The following CHSY3 variants were observed in gnomAD, a reference collection of about 807,000 sequenced individuals.
CHSY3 encodes the protein chondroitin sulfate synthase 3, also known as N-acetylgalactosaminyl-proteoglycan 3-beta-glucuronosyltransferase 3.
In CHSY3, 35 loss-of-function variants were observed where a neutral mutation model predicts 67.2. The observed-to-expected ratio is 0.52, with a 90% CI of 0.40 to 0.69. The LOEUF (loss-of-function observed/expected upper bound fraction) is 0.69. Ranked by LOEUF, CHSY3 falls within the 30% of genes least tolerant of loss-of-function variation. The pLI, the probability that CHSY3 is intolerant of heterozygous loss-of-function variation, is 0.00. For missense variants in CHSY3, 1,069 were observed against 1,138.5 expected, an observed-to-expected ratio of 0.94 and a Z score of 0.88; for synonymous variants, 474 against 434.7, an observed-to-expected ratio of 1.09 and a Z score of -1.12.
At position 130,185,037 on chromosome 5, in the gene CHSY3, A is replaced by C; in HGVS notation, c.1895A>C (p.Asp632Ala). ...HILVPLIGRY[D>A]IFLRFMENFE... is the part of the protein sequence containing the mutation. The stretch of plus-strand genomic sequence containing the variant: ...CTCGTTCCTCTCATCGGAAGGTATG[A>C]CATTTTCTTGAGATTCATGGAGAAC... The change falls in exon 3 of 3, where the codon GAC becomes GCC. Residue 632 changes from aspartate (D) to alanine (A), a missense_variant. Around this residue, in one of 5 missense-constraint regions of CHSY3, gnomAD observed 401 missense variants for 395.2 expected, o/e 1.01. Coordinates refer to ENST00000305031, the MANE Select transcript of CHSY3 (RefSeq NM_175856.5). 1 of 1,593,644 alleles carries C rather than the reference A, an allele frequency of 6.3e-7. No homozygotes were observed. The highest frequency in any genetic ancestry group is 8.6e-7 in the Non-Finnish European group (1 of 1,161,324).
intron 2 of CHSY3, among the ~76,000 whole-genome samples, chr5:130,164,648 T>C (rs1025118831): frequency 1.3e-5 from 2 of 152,074 alleles, no homozygotes; most frequent in Non-Finnish European, 2.9e-5. Context: ...GTGCATTGAG[T>C]CTCTCTTCTC....
At chr5:129,953,153 C>G (rs1762072898) in intron 2 of CHSY3, among the ~76,000 whole-genome samples, 1 of 152,022 alleles carries the variant, frequency 6.6e-6, no homozygotes, top group Non-Finnish European at 1.5e-5. Flanking sequence ...CAACAGGTCC[C>G]AATGTGTGAT....
chr5:129,932,475 T>G (rs992776493), intron 2 of CHSY3, among the ~76,000 whole-genome samples: 2 of 152,130 alleles, frequency 1.3e-5, no homozygotes, highest in African/African-American at 4.8e-5. Flanking sequence ...ACATCTAGAC[T>G]TGTGTTTGGC....
rs73785862 is a variant in CHSY3 at position 130,036,196 on chromosome 5, T to C, written c.1086+127836T>C. Reference sequence around the variant, plus strand: ...TGGACATGATAAAGAATTAGTTAAGTAATGCCCATTCTTGAGGGAATATAT... The same window carrying C: ...TGGACATGATAAAGAATTAGTTAAGCAATGCCCATTCTTGAGGGAATATAT... On this transcript the variant is annotated intron_variant, in intron 2 of 2. Coordinates refer to ENST00000305031, the MANE Select transcript of CHSY3 (RefSeq NM_175856.5). 5.4e-3 allele frequency among the ~76,000 whole-genome samples: 822 copies of C among 152,232 alleles called. 5 individuals carry two copies. The highest frequency in any genetic ancestry group is 0.019 in the African/African-American group (781 of 41,556).
At chr5:129,966,131 C>A (rs1368445174) in intron 2 of CHSY3, among the ~76,000 whole-genome samples, 6 of 151,862 alleles carry the variant, frequency 4.0e-5, no homozygotes, top group African/African-American at 1.2e-4. Flanking sequence ...TTAGAAATAC[C>A]AAATGATTTG....
At chr5:130,055,725 T>C (rs1346423385) in intron 2 of CHSY3, among the ~76,000 whole-genome samples, 1 of 151,950 alleles carries the variant, frequency 6.6e-6, no homozygotes, top group African/African-American at 2.4e-5. Flanking sequence ...CTGCTACCAC[T>C]GCCACCGGAA....
At chr5:130,070,001 T>C (rs1766008011) in intron 2 of CHSY3, among the ~76,000 whole-genome samples, 1 of 152,060 alleles carries the variant, frequency 6.6e-6, no homozygotes, top group African/African-American at 2.4e-5. Flanking sequence ...ACGAAACTTA[T>C]AAGATATAGG....
At chr5:130,147,136 C>T (rs958852543) in intron 2 of CHSY3, among the ~76,000 whole-genome samples, 1 of 152,086 alleles carries the variant, frequency 6.6e-6, no homozygotes, top group Non-Finnish European at 1.5e-5. Flanking sequence ...TGCCTTGTTT[C>T]CACATGATAT....
chr5:130,024,589 T>C (rs1023644710), intron 2 of CHSY3, among the ~76,000 whole-genome samples: 8 of 152,158 alleles, frequency 5.3e-5, no homozygotes, highest in African/African-American at 1.7e-4. Context: ...TCATTCAAAT[T>C]ATGTTTTACA....
At chr5:129,949,047 A>G (rs1365695532) in intron 2 of CHSY3, among the ~76,000 whole-genome samples, 1 of 151,992 alleles carries the variant, frequency 6.6e-6, no homozygotes, top group African/African-American at 2.4e-5. Context: ...TTTGCTGTGC[A>G]GAAGCTTTTT....
chr5:130,141,678 T>G (rs1164754390), intron 2 of CHSY3: 1 of 529,458 alleles, frequency 1.9e-6, no homozygotes, highest in Non-Finnish European at 3.7e-6. Context: ...AAGCAGCTGT[T>G]GAAGATGAGA....
intron 2 of CHSY3, among the ~76,000 whole-genome samples, chr5:129,982,284 AACAC>A (rs200300242): frequency 2.2e-4 from 33 of 151,944 alleles, no homozygotes; most frequent in African/African-American, 6.5e-4. Context: ...TGTAAAAAAA[AACAC>A]ACACACACAC....
At chr5:130,181,778 T>C (rs1302628506) in intron 2 of CHSY3, among the ~76,000 whole-genome samples, 1 of 152,166 alleles carries the variant, frequency 6.6e-6, no homozygotes, top group African/African-American at 2.4e-5. Flanking sequence ...TTCACATAAA[T>C]GGAATAATAC....
chr5:129,915,476 TA>T (rs1314520105), intron 2 of CHSY3, among the ~76,000 whole-genome samples: 1 of 152,182 alleles, frequency 6.6e-6, no homozygotes, highest in Non-Finnish European at 1.5e-5. Flanking sequence ...ATAATGTGTT[TA>T]AAAAATAAGC....
intron 2 of CHSY3, among the ~76,000 whole-genome samples, chr5:129,957,252 T>C (rs1479577145): frequency 6.6e-6 from 1 of 152,166 alleles, no homozygotes; most frequent in Non-Finnish European, 1.5e-5. Context: ...GTGTTCCTGA[T>C]TTGGCTCTCA....
At chr5:130,098,478 C>G (rs1767123797) in intron 2 of CHSY3, among the ~76,000 whole-genome samples, 1 of 152,216 alleles carries the variant, frequency 6.6e-6, no homozygotes, top group African/African-American at 2.4e-5. Context: ...CTCACTCTCT[C>G]TGCCCCATGC....
At chr5:130,075,243 T>C (rs1246513339) in intron 2 of CHSY3, among the ~76,000 whole-genome samples, 1 of 152,162 alleles carries the variant, frequency 6.6e-6, no homozygotes, top group Non-Finnish European at 1.5e-5. Context: ...TTTTATAATC[T>C]TGGGCTTAAA....
chr5:130,164,569 T>A (rs955392617), intron 2 of CHSY3, among the ~76,000 whole-genome samples: 3 of 152,296 alleles, frequency 2.0e-5, no homozygotes, highest in African/African-American at 7.2e-5. Context: ...AAAGACCAGA[T>A]TTATTCTGGT....
rs983420437 is a variant in CHSY3, at chr5:129,904,818, G to C, written c.-12G>C. ...GACAGCCCAGCGAGCGTCCGCGCCC[G>C]GGACAGCCGCGATGGCTGTGCGCTC... On this transcript the variant is annotated 5_prime_UTR_variant, in exon 1 of 3. Transcript: ENST00000305031. The C allele has an allele frequency of 7.2e-7, 1 of 1,380,158 alleles. No individual in the cohort carries two copies. Among genetic ancestry groups the C allele is most frequent in the East Asian group, 3.0e-5 (1 of 33,818 alleles). 85.5% of individuals were successfully genotyped at this position (1,380,158 alleles called of 1,614,324 possible).
Sources: allele counts gnomAD v4.1 joint callset (sites outside exome capture counted in the v4.1 genomes callset), GRCh38; gene constraint gnomAD v4.1.1; regional missense constraint gnomAD v4.1.1; transcripts MANE v1.5; gene names NCBI Gene and HGNC (gene_info 2026-07-23, HGNC 2026-07-21).